The following PACRG variants were observed in gnomAD, a reference collection of about 807,000 sequenced individuals.
PACRG encodes parkin coregulated gene protein.
A neutral mutation model predicts 29.7 loss-of-function variants in PACRG; 29 were observed. The ratio of observed to expected loss-of-function variants is 0.98; its 90% CI spans 0.73 to 1.33. PACRG has a LOEUF of 1.33. PACRG is among the 40% of genes most tolerant of loss of function. The pLI, the probability that PACRG is intolerant of heterozygous loss-of-function variation, is 0.00. For synonymous variants in PACRG, 116 were observed against 118.7 expected (o/e 0.98, Z 0.15); for missense variants, 279 against 316.2 (o/e 0.88, Z 0.89).
intron 4 of PACRG, chr6:163,191,859 C>T: frequency 4.7e-6 from 2 of 427,250 alleles, no homozygotes; most frequent in Non-Finnish European, 9.5e-6. Context: ...ATGAAAGCCA[C>T]ACCCCGCCTG....
chr6:163,131,758 C>T (rs1481737742), intron 4 of PACRG, among the ~76,000 whole-genome samples: 1 of 152,080 alleles, frequency 6.6e-6, no homozygotes. Flanking sequence ...AAGACGTGAG[C>T]GTGCTATTAG....
chr6:163,086,422 C>T (rs1276881711), intron 3 of PACRG, among the ~76,000 whole-genome samples: 8 of 152,178 alleles, frequency 5.3e-5, no homozygotes, highest in Admixed American at 3.9e-4. Context: ...TTTTGTCCTG[C>T]AGTGTGTCTA....
intron 2 of PACRG, among the ~76,000 whole-genome samples, chr6:162,931,650 A>G (rs1057439378): frequency 6.6e-6 from 1 of 151,998 alleles, no homozygotes; most frequent in African/African-American, 2.4e-5. Context: ...AAGCAAATAA[A>G]CATATGCCAA....
intron 4 of PACRG, among the ~76,000 whole-genome samples, chr6:163,128,268 C>G (rs117736956): frequency 6.6e-6 from 1 of 152,174 alleles, no homozygotes; most frequent in Non-Finnish European, 1.5e-5. Context: ...TTTAAGCATC[C>G]TCCTAAAGAA....
In PACRG at chr6:162,761,407, C is replaced by T. The variant is rs116597067; in HGVS notation, c.156+33016C>T. 5.6e-3 allele frequency among the ~76,000 whole-genome samples: 852 copies of T among 152,148 alleles called. 8 individuals carry two copies. Among genetic ancestry groups the T allele is most frequent in the African/African-American group, 0.02 (812 of 41,512 alleles). Reference sequence around the variant, plus strand: ...TTTTAAATATAAAGGCGCAGGATCACGATTTATTTGCTTGTCAGTATGGAG... The same window carrying T: ...TTTTAAATATAAAGGCGCAGGATCATGATTTATTTGCTTGTCAGTATGGAG... On this transcript the variant is annotated intron_variant, in intron 1 of 4. Transcript: ENST00000366888.
At chr6:163,264,561 G>GC (rs1167262573) in intron 4 of PACRG, among the ~76,000 whole-genome samples, 8 of 152,212 alleles carry the variant, frequency 5.3e-5, no homozygotes, top group African/African-American at 1.9e-4. Flanking sequence ...GTTGAGAAGA[G>GC]CCGCCCAGAA....
rs746844867 is a variant in PACRG, at chr6:163,314,975, C to G, written c.762C>G (p.Cys254Trp). ...ACGTGGTCCCAACCTACGAGTCTTG[C>G]TTGCTAAACTAACAGTGGCAGCAGC... The part of the protein sequence containing the change: ...IKYVVPTYES[C>W]LLN The change falls in exon 5 of 5, where the codon TGC (cysteine) becomes TGG (tryptophan). Residue 254 changes from cysteine (C) to tryptophan (W), a missense_variant. Transcript: ENST00000366888. 1.9e-6 allele frequency: 3 copies of G among 1,613,454 alleles called. No homozygotes were observed. In the Admixed American group the frequency reaches 5.0e-5, roughly 27 times the overall value.
chr6:162,973,776 G>GTGTA (rs948687651), intron 2 of PACRG, among the ~76,000 whole-genome samples: 1 of 152,172 alleles, frequency 6.6e-6, no homozygotes, highest in Non-Finnish European at 1.5e-5. Flanking sequence ...GTGTGTGTGT[G>GTGTA]TGTATGCGTG....
chr6:162,974,498 C>T (rs2128163680), intron 2 of PACRG, among the ~76,000 whole-genome samples: 1 of 152,256 alleles, frequency 6.6e-6, no homozygotes, highest in African/African-American at 2.4e-5. Context: ...CTACTTCATT[C>T]AAAATGACTC....
chr6:162,774,038 G>A (rs776456305), intron 1 of PACRG, among the ~76,000 whole-genome samples: 57 of 152,298 alleles, frequency 3.7e-4, no homozygotes, highest in Non-Finnish European at 7.3e-4. Context: ...AACAATTGAA[G>A]TAATTTAATT....
chr6:162,927,709 G>A (rs889317221), intron 2 of PACRG, among the ~76,000 whole-genome samples: 2 of 152,044 alleles, frequency 1.3e-5, no homozygotes, highest in African/African-American at 4.8e-5. Context: ...TAGGTATTGG[G>A]TTGATACGTG....
intron 2 of PACRG, among the ~76,000 whole-genome samples, chr6:162,856,397 T>C (rs1001035717): frequency 6.6e-5 from 10 of 152,124 alleles, no homozygotes; most frequent in African/African-American, 2.4e-4. Flanking sequence ...AAGTGCTGAA[T>C]TGTATTGTTA....
chr6:163,248,053 G>T (rs1431071939), intron 4 of PACRG, among the ~76,000 whole-genome samples: 2 of 152,140 alleles, frequency 1.3e-5, no homozygotes, highest in Non-Finnish European at 1.5e-5. Context: ...ATGCTGCAAA[G>T]CCATCTCCAA....
chr6:163,024,299 C>T (rs868860847), intron 2 of PACRG, among the ~76,000 whole-genome samples: 18 of 152,096 alleles, frequency 1.2e-4, no homozygotes, highest in Admixed American at 7.2e-4. Context: ...TATGACTAGC[C>T]GGTTATCCCA....
chr6:162,874,313 T>A (rs998669860), intron 2 of PACRG, among the ~76,000 whole-genome samples: 5 of 152,108 alleles, frequency 3.3e-5, no homozygotes, highest in African/African-American at 9.7e-5. Flanking sequence ...AAACTTTAGC[T>A]GCCGATTTGC....
chr6:162,795,587 G>A (rs1315283237), intron 1 of PACRG, among the ~76,000 whole-genome samples: 1 of 151,868 alleles, frequency 6.6e-6, no homozygotes, highest in Non-Finnish European at 1.5e-5. Context: ...AAATAATTCA[G>A]TGTAAACTAC....
chr6:163,089,829 A>T (rs141523979), intron 4 of PACRG, among the ~76,000 whole-genome samples: 108 of 152,296 alleles, frequency 7.1e-4, no homozygotes, highest in Non-Finnish European at 1.3e-3. Context: ...CTATTATTAA[A>T]ATCTGGTAAA....
intron 4 of PACRG, among the ~76,000 whole-genome samples, chr6:163,099,341 T>C (rs1210430112): frequency 1.3e-5 from 2 of 152,206 alleles, no homozygotes; most frequent in African/African-American, 4.8e-5. Flanking sequence ...GAGAAATCTG[T>C]ATAATATGCT....
chr6:162,743,857 A>G (rs1405673729), intron 1 of PACRG, among the ~76,000 whole-genome samples: 1 of 152,116 alleles, frequency 6.6e-6, no homozygotes, highest in Admixed American at 6.6e-5. Context: ...ATTATCATCC[A>G]CCAAATGGCT....
Sources: allele counts gnomAD v4.1 joint callset (sites outside exome capture counted in the v4.1 genomes callset), GRCh38; gene constraint gnomAD v4.1.1; transcripts MANE v1.5; gene names NCBI Gene and HGNC (gene_info 2026-07-23, HGNC 2026-07-21).